HAUS2: variants seen among roughly 807,000 people sequenced by gnomAD.
HAUS2 encodes HAUS augmin like complex subunit 2, also known as HAUS augmin-like complex subunit 2.
In HAUS2, 20 loss-of-function variants were observed where a neutral mutation model predicts 21.6. The ratio of observed to expected loss-of-function variants is 0.93; its 90% confidence interval spans 0.65 to 1.35. The LOEUF is 1.35. Ranked by LOEUF, HAUS2 falls within the 40% of genes most tolerant of loss-of-function variation. The pLI, the probability that HAUS2 is intolerant of heterozygous loss-of-function variation, is 0.00. For synonymous variants in HAUS2, 113 were observed against 95.6 expected, an observed-to-expected ratio of 1.18 and a Z score of -1.06; for missense variants, 297 against 280.7, an observed-to-expected ratio of 1.06 and a Z score of -0.42.
intron 1 of HAUS2, among the ~76,000 whole-genome samples, chr15:42,552,660 A>T (rs1422823759): frequency 2.0e-5 from 3 of 152,130 alleles, no homozygotes; most frequent in Non-Finnish European, 4.4e-5. Flanking sequence ...TACATTCTAG[A>T]TATTTTTCCA....
chr15:42,560,865 T>G, intron 3 of HAUS2: 1 of 702,134 alleles, frequency 1.4e-6, no homozygotes, highest in Non-Finnish European at 2.6e-6. Context: ...AACACTGCGA[T>G]TACAGGTATG....
intron 1 of HAUS2, among the ~76,000 whole-genome samples, chr15:42,554,453 C>T (rs963339668): frequency 4.0e-5 from 6 of 151,748 alleles, no homozygotes; most frequent in African/African-American, 1.5e-4. Flanking sequence ...ATTCCCTCCT[C>T]CCTCTTCATT....
chr15:42,560,146 C>T (rs74989563), intron 3 of HAUS2, among the ~76,000 whole-genome samples: 310 of 152,242 alleles, frequency 2.0e-3, no homozygotes, highest in African/African-American at 5.6e-3. Flanking sequence ...CAGAGTGAGA[C>T]CCTGTCTCAA....
chr15:42,563,914 T>C (rs754744322), intron 5 of HAUS2, 57 bp downstream of exon 5: 3 of 817,872 alleles, frequency 3.7e-6, no homozygotes, highest in Non-Finnish European at 6.2e-6. Flanking sequence ...AGAGGTGTGC[T>C]CTCCCAGTTT....
chr15:42,558,137 TC>T, intron 1 of HAUS2, 60 bp from the exon 2 acceptor site: 1 of 738,574 alleles, frequency 1.4e-6, no homozygotes, highest in Non-Finnish European at 2.4e-6. Context: ...GGCATGCTAT[TC>T]CAATGTACCT....
Position 42,548,862 on chromosome 15 carries a change from G to A in HAUS2, c.-11G>A. On this transcript the variant is annotated 5_prime_UTR_variant, in exon 1 of 6. Coordinates refer to ENST00000260372, the MANE Select transcript of HAUS2 (RefSeq NM_018097.3). ...CACTCTTGGCGCCTTCGCGGAAGGT[G>A]CGTCCGAGCCATGGCCGCTGCCAAC... 6.5e-7 allele frequency: 1 copy of A among 1,545,742 alleles called. No homozygotes were observed. Among genetic ancestry groups the A allele is most frequent in the Non-Finnish European group, 8.7e-7 (1 of 1,143,878 alleles).
At chr15:42,554,821 AT>A (rs1452329502) in intron 1 of HAUS2, among the ~76,000 whole-genome samples, 1 of 149,844 alleles carries the variant, frequency 6.7e-6, no homozygotes, top group Non-Finnish European at 1.5e-5. Context: ...CCAGTTAAAT[AT>A]CCCCACCTTC....
At chr15:42,565,070 C>T (rs888328319) in intron 5 of HAUS2, among the ~76,000 whole-genome samples, 5 of 152,190 alleles carry the variant, frequency 3.3e-5, no homozygotes, top group Non-Finnish European at 7.3e-5. Flanking sequence ...CTCCTGACCT[C>T]AGGTGATCCA....
intron 2 of HAUS2, among the ~76,000 whole-genome samples, chr15:42,558,783 T>G: frequency 6.6e-6 from 1 of 151,960 alleles, no homozygotes; most frequent in East Asian, 2.0e-4. Context: ...CACAGGGAGA[T>G]CCCGTCTCTA....
intron 3 of HAUS2, chr15:42,560,738 G>T: frequency 1.4e-6 from 1 of 694,558 alleles, no homozygotes; most frequent in Non-Finnish European, 2.6e-6. Context: ...ACTGGCATGT[G>T]CCACCATGCC....
chr15:42,553,477 TTC>T (rs2057744470), intron 1 of HAUS2, among the ~76,000 whole-genome samples: 1 of 131,354 alleles, frequency 7.6e-6, no homozygotes, highest in African/African-American at 3.4e-5. Flanking sequence ...TGATACTTTT[TTC>T]TTTTTTTTTT....
chr15:42,549,122 C>T (rs1223207014), intron 1 of HAUS2, among the ~76,000 whole-genome samples, 157 bp downstream of exon 1: 1 of 152,202 alleles, frequency 6.6e-6, no homozygotes, highest in Admixed American at 6.5e-5. Flanking sequence ...CGCGAACGTT[C>T]TGCCGTGGAT....
At chr15:42,560,641 G>T in intron 3 of HAUS2, 1 of 440,460 alleles carries the variant, frequency 2.3e-6, no homozygotes. Flanking sequence ...TTTTTTAAGA[G>T]TGTGTCACTC....
At chr15:42,555,272 C>T (rs2057760666) in intron 1 of HAUS2, among the ~76,000 whole-genome samples, 1 of 151,894 alleles carries the variant, frequency 6.6e-6, no homozygotes, top group Non-Finnish European at 1.5e-5. Flanking sequence ...AGCCGTGAGC[C>T]ACGGCGCCCG....
rs762760966 is a variant in HAUS2, at chr15:42,563,742, C to T, written c.390-7C>T. On this transcript the variant is annotated splice_region_variant and splice_polypyrimidine_tract_variant and intron_variant, in intron 4 of 5. Coordinates refer to ENST00000260372, the MANE Select transcript of HAUS2 (RefSeq NM_018097.3). ...AAAAATGGTTGACTTTTTTCTTTCT[C>T]TTTCAGATATATGGTACATTTGCTG... is the stretch of plus-strand genomic sequence containing the variant. 4 of 1,390,384 alleles carry T rather than the reference C, an allele frequency of 2.9e-6. No homozygotes were observed. Among genetic ancestry groups the T allele is most frequent in the Admixed American group, 1.7e-5 (1 of 58,200 alleles). The allele number at this position is 1,390,384 out of a possible 1,614,324, so 86.1% of individuals were successfully genotyped here.
chr15:42,549,113 G>A, intron 1 of HAUS2, 148 bp downstream of exon 1: 1 of 573,960 alleles, frequency 1.7e-6, no homozygotes, highest in Non-Finnish European at 3.2e-6. Context: ...GGCAACAGCC[G>A]CGAACGTTCT....
rs1169811189 is a variant in HAUS2 at position 42,569,109 on chromosome 15, C to G, written c.*2293C>G. 1.3e-5 allele frequency: 2 copies of G among 152,096 alleles called. No individual in the cohort carries two copies. The highest frequency in any genetic ancestry group is 2.9e-5 in the Non-Finnish European group (2 of 68,028). 9.4% of individuals were successfully genotyped at this position (152,096 alleles called of 1,614,324 possible). On this transcript the variant is annotated 3_prime_UTR_variant, in exon 6 of 6. Transcript: ENST00000260372. ...TTGGAGGTTTACCTTGCAAAATGCTCAGATATTTTACCTATCAGAGGTTAT... is the reference window on the plus strand; with the variant it reads ...TTGGAGGTTTACCTTGCAAAATGCTGAGATATTTTACCTATCAGAGGTTAT...
intron 1 of HAUS2, 54 bp from the exon 2 acceptor site, chr15:42,558,144 T>G: frequency 1.3e-6 from 1 of 767,784 alleles, no homozygotes; most frequent in East Asian, 2.5e-5. Flanking sequence ...TATTCCAATG[T>G]ACCTAGAAAC....
intron 1 of HAUS2, among the ~76,000 whole-genome samples, chr15:42,557,298 AGAGT>A (rs2057788912): frequency 1.0e-5 from 1 of 97,786 alleles, no homozygotes; most frequent in Admixed American, 1.3e-4. Flanking sequence ...CCTGTGCGAC[AGAGT>A]GAGACTCCAT....
Sources: gnomAD v4.1 joint callset for allele counts (sites outside exome capture counted in the v4.1 genomes callset) on GRCh38, gnomAD v4.1.1 for gene constraint, MANE v1.5 for transcripts, NCBI Gene and HGNC (gene_info 2026-07-23, HGNC 2026-07-21) for gene names.